Variants in DHX34 observed in about 807,000 individuals in gnomAD.
The protein encoded by DHX34 is DExH-box helicase 34.
DHX34 carries 96 observed loss-of-function variants against 111.1 expected under a neutral mutation model. The ratio of observed to expected loss-of-function variants is 0.86; its 90% CI spans 0.73 to 1.02. DHX34 has a LOEUF of 1.02. Ranked by LOEUF, DHX34 falls within the 50% of genes least tolerant of loss-of-function variation. The pLI is 0.00. For missense variants in DHX34, 1,560 were observed against 1,579.9 expected, an observed-to-expected ratio of 0.99 and a Z score of 0.21; for synonymous variants, 688 against 670.4, an observed-to-expected ratio of 1.03 and a Z score of -0.41.
rs779021142 is a variant in DHX34, at chr19:47,376,551, G to A, written c.2590G>A (p.Gly864Arg). Residue 864 changes from glycine to arginine, a missense_variant, in exon 12 of 17, where the codon GGA becomes AGA. By Grantham distance (125) the Gly-to-Arg change is moderately radical. Transcript: ENST00000328771. ...GGAGCTGGAGGCCAGCAACTGCGAC[G>A]GAAGCCGAGGTACAGTGAGCCCAGG... Reference protein sequence around the residue: ...AQELEASNCDGSRDDKDKMSS... With the variant: ...AQELEASNCDRSRDDKDKMSS... The A allele has an allele frequency of 9.0e-6, 14 of 1,560,706 alleles. No homozygotes were observed. The highest frequency in any genetic ancestry group is 4.8e-5 in the East Asian group (2 of 41,834).
In DHX34 at chr19:47,382,302, C is replaced by A; in HGVS notation, c.*189C>A. On this transcript the variant is annotated 3_prime_UTR_variant, in exon 17 of 17. Transcript: ENST00000328771. ...ATACACACTGTTAGGCCTGCACCTGCCCATCCAGAAAGCAGCAGCTGCCTT... is the reference window on the plus strand; with the variant it reads ...ATACACACTGTTAGGCCTGCACCTGACCATCCAGAAAGCAGCAGCTGCCTT... 1 of 1,060,496 alleles carries A rather than the reference C, an allele frequency of 9.4e-7. No homozygotes were observed. Among genetic ancestry groups the A allele is most frequent in the Non-Finnish European group, 1.3e-6 (1 of 772,898 alleles). 65.7% of individuals were successfully genotyped at this position (1,060,496 alleles called of 1,614,324 possible).
At chr19:47,356,309 A>G (rs898689190) in intron 3 of DHX34, among the ~76,000 whole-genome samples, 5 of 152,032 alleles carry the variant, frequency 3.3e-5, no homozygotes, top group African/African-American at 1.2e-4. Context: ...CCGGATGCCC[A>G]TCAATTTGCC....
Position 47,382,372 on chromosome 19 carries a change from G to C in DHX34, c.*259G>C. On this transcript the variant is annotated 3_prime_UTR_variant, in exon 17 of 17. Transcript: ENST00000328771. ...TAGCTTTCCTTCTTCCTGCTGCAGG[G>C]TGCTGCCTGAGGGGTCCTGGGTAGG... The C allele has an allele frequency of 1.7e-6, 1 of 575,390 alleles. No individual in the cohort carries two copies. Among genetic ancestry groups the C allele is most frequent in the Non-Finnish European group, 2.8e-6 (1 of 353,792 alleles). The allele number at this position is 575,390 out of a possible 1,614,324, so 35.6% of individuals were successfully genotyped here.
rs1568405602 is a variant in DHX34, at chr19:47,375,983, C to T, written c.2367C>T (p.Ala789=). ...AGCTGCAGGCCGCTGCCAGCTCAGCCCAGGACCTGAGCCGCGAGCAGCTGG... is the reference window on the plus strand; with the variant it reads ...AGCTGCAGGCCGCTGCCAGCTCAGCTCAGGACCTGAGCCGCGAGCAGCTGG... ...LAQLQAAASS[A]QDLSREQLAL... The change falls in exon 11 of 17, where the codon GCC becomes GCT. Residue 789 remains alanine (A), a synonymous_variant. Coordinates refer to ENST00000328771, the MANE Select transcript of DHX34 (RefSeq NM_014681.6). 1 of 1,606,588 alleles carries T rather than the reference C, an allele frequency of 6.2e-7. No homozygotes were observed. The highest frequency in any genetic ancestry group is 8.5e-7 in the Non-Finnish European group (1 of 1,178,176).
intron 7 of DHX34, 82 bp downstream of exon 7, chr19:47,367,237 C>A (rs1414633912): frequency 1.5e-6 from 2 of 1,311,062 alleles, no homozygotes; most frequent in Non-Finnish European, 2.0e-6. Flanking sequence ...GGCCTGGGGG[C>A]AAGTCTGTTT....
rs993176475 is a variant in DHX34 at position 47,381,233 on chromosome 19, C to T, written c.3207C>T (p.Cys1069=). 6.2e-7 allele frequency: 1 copy of T among 1,614,068 alleles called. No individual in the cohort carries two copies. Among genetic ancestry groups the T allele is most frequent in the Non-Finnish European group, 8.5e-7 (1 of 1,179,940 alleles). ...ACTGTCTCCGAACCTTCTGGACCTG[C>T]CCCCACTGTGGCCTGCATGCGCCCC... The part of the protein sequence containing the change: ...YSDCLRTFWT[C]PHCGLHAPLT... Residue 1069 remains cysteine (C), a synonymous_variant, in exon 16 of 17, where the codon TGC becomes TGT. Transcript: ENST00000328771.
At chr19:47,357,796 A>G in intron 3 of DHX34, 70 bp from the exon 4 acceptor site, 1 of 1,536,562 alleles carries the variant, frequency 6.5e-7, no homozygotes, top group Non-Finnish European at 8.8e-7. Context: ...GTCAGCCTGC[A>G]GCCTCCCCAG....
chr19:47,365,178 A>G (rs955027273), intron 6 of DHX34, among the ~76,000 whole-genome samples: 7 of 152,068 alleles, frequency 4.6e-5, no homozygotes. Flanking sequence ...GAATTTAAAA[A>G]AACCCCAGGC....
chr19:47,352,763 C>T lies in DHX34; in HGVS notation c.-268C>T. 2 of 496,994 alleles carry T rather than the reference C, an allele frequency of 4.0e-6. No homozygotes were observed. Among genetic ancestry groups the T allele is most frequent in the South Asian group, 7.0e-5 (2 of 28,562 alleles). The allele number at this position is 496,994 out of a possible 1,614,324, so 30.8% of individuals were successfully genotyped here. On this transcript the variant is annotated 5_prime_UTR_variant, in exon 2 of 17. Coordinates refer to ENST00000328771, the MANE Select transcript of DHX34 (RefSeq NM_014681.6). The stretch of plus-strand genomic sequence containing the variant: ...TGTTCTCTCTCTTAAGAATCCAGGG[C>T]CTGAAAACCCAGAATGAACTTGTGT...
intron 4 of DHX34, 88 bp downstream of exon 4, chr19:47,358,208 C>T: frequency 6.6e-7 from 1 of 1,510,368 alleles, no homozygotes; most frequent in Non-Finnish European, 8.9e-7. Flanking sequence ...TCCACAAACA[C>T]AGGGCTCGGG....
chr19:47,352,966 G>T lies in DHX34; in HGVS notation c.-65G>T. 1 of 1,528,192 alleles carries T rather than the reference G, an allele frequency of 6.5e-7. No homozygotes were observed. The highest frequency in any genetic ancestry group is 8.8e-7 in the Non-Finnish European group (1 of 1,137,220). 94.7% of individuals were successfully genotyped at this position (1,528,192 alleles called of 1,614,324 possible). On this transcript the variant is annotated 5_prime_UTR_variant, in exon 2 of 17. Transcript: ENST00000328771. ...ACTGGCCTCTTAAATTGTTGCAGGT[G>T]GGGAATGGATGAGAATATTTGTTTT... is the stretch of plus-strand genomic sequence containing the variant.
In DHX34 at chr19:47,381,672, C is replaced by T. The variant is rs75207066; in HGVS notation, c.3299-308C>T. 2,432 of 634,138 alleles carry T rather than the reference C, an allele frequency of 3.8e-3. 68 individuals are homozygous for T. In the East Asian group the frequency reaches 0.059, roughly 15 times the overall value. The allele number at this position is 634,138 out of a possible 1,614,324, so 39.3% of individuals were successfully genotyped here. ...ACCCTGTTGTCACCCAGGGATGCCA[C>T]ACACTGGGGTTCAGTGGGGGAGATA... On this transcript the variant is annotated intron_variant, in intron 16 of 16. Coordinates refer to ENST00000328771, the MANE Select transcript of DHX34 (RefSeq NM_014681.6).
intron 6 of DHX34, among the ~76,000 whole-genome samples, chr19:47,366,525 C>T (rs1568400029): frequency 1.3e-5 from 2 of 151,648 alleles, no homozygotes; most frequent in Non-Finnish European, 2.9e-5. Context: ...AAGTGATCCA[C>T]CTGCTGTGGC....
At chr19:47,381,101 G>A (rs977180636) in intron 15 of DHX34, 85 bp from the exon 16 acceptor site, 34 of 1,578,134 alleles carry the variant, frequency 2.2e-5, no homozygotes, top group Non-Finnish European at 1.5e-5. Context: ...TGGCCCTGAG[G>A]GCTTCTGGGA....
intron 6 of DHX34, among the ~76,000 whole-genome samples, chr19:47,365,229 G>GTTATTTAT (rs369713446): frequency 1.1e-3 from 154 of 145,386 alleles, no homozygotes; most frequent in African/African-American, 2.4e-3. Flanking sequence ...TAATGTAAAG[G>GTTATTTAT]TTATTTATTT....
intron 16 of DHX34, chr19:47,381,539 CCT>C (rs1970359177): frequency 1.5e-6 from 1 of 651,706 alleles, no homozygotes; most frequent in Non-Finnish European, 2.6e-6. Flanking sequence ...CTGCCTGTCC[CCT>C]GTGGTGTCTC....
chr19:47,357,338 A>G (rs953195306), intron 3 of DHX34, among the ~76,000 whole-genome samples: 7 of 152,238 alleles, frequency 4.6e-5, no homozygotes, highest in Admixed American at 2.0e-4. Flanking sequence ...CAGGTTTAGA[A>G]AAGTCAAACA....
chr19:47,355,365 C>G lies in DHX34; in HGVS notation c.1017+15C>G, dbSNP rs372334511. On this transcript the variant is annotated intron_variant, in intron 3 of 16. Transcript: ENST00000328771. ...TCCCCATCACGGTGAGTACTTCCCCCTCCTCCCACATCCCCAGACCTCCAA... is the reference window on the plus strand; with the variant it reads ...TCCCCATCACGGTGAGTACTTCCCCGTCCTCCCACATCCCCAGACCTCCAA... The G allele has an allele frequency of 6.2e-5, 100 of 1,605,460 alleles. No individual in the cohort carries two copies. The highest frequency in any genetic ancestry group is 8.1e-5 in the Non-Finnish European group (95 of 1,173,330).
intron 9 of DHX34, among the ~76,000 whole-genome samples, chr19:47,375,017 T>C (rs1970089525): frequency 6.6e-6 from 1 of 152,152 alleles, no homozygotes; most frequent in African/African-American, 2.4e-5. Context: ...TGGGTCCAGA[T>C]GGCCAACCCC....
Sources: allele counts gnomAD v4.1 joint callset (sites outside exome capture counted in the v4.1 genomes callset), GRCh38; gene constraint gnomAD v4.1.1; transcripts MANE v1.5; gene names NCBI Gene and HGNC (gene_info 2026-07-23, HGNC 2026-07-21).